The following CEP112 variants were observed in gnomAD, a reference collection of about 807,000 sequenced individuals.
CEP112 encodes the protein centrosomal protein of 112 kDa.
Under a neutral mutation model 153.0 loss-of-function variants are expected in CEP112, and 127 were observed. The ratio of observed to expected loss-of-function variants is 0.83; its 90% CI spans 0.72 to 0.96. The LOEUF (loss-of-function observed/expected upper bound fraction) is 0.96, where lower values mean the gene tolerates loss of function less well. Ranked by LOEUF, CEP112 falls within the 40% of genes least tolerant of loss-of-function variation. The pLI is 0.00. For synonymous variants in CEP112, 358 were observed against 374.4 expected (o/e 0.96, Z 0.51); for missense variants, 1,089 against 1,101.2 (o/e 0.99, Z 0.16).
chr17:65,680,373 C>T (rs2047457855), intron 24 of CEP112, among the ~76,000 whole-genome samples: 1 of 152,156 alleles, frequency 6.6e-6, no homozygotes, highest in South Asian at 2.1e-4. Context: ...ATACCAAGGG[C>T]CTGTGATCAG....
At chr17:66,007,726 T>C (rs1302021862) in intron 16 of CEP112, among the ~76,000 whole-genome samples, 1 of 152,010 alleles carries the variant, frequency 6.6e-6, no homozygotes, top group African/African-American at 2.4e-5. Flanking sequence ...TGTATTCAAG[T>C]GAAAGGGTGG....
intron 4 of CEP112, among the ~76,000 whole-genome samples, chr17:66,154,381 G>T (rs1049659300): frequency 2.6e-5 from 4 of 151,660 alleles, no homozygotes; most frequent in Non-Finnish European, 5.9e-5. Flanking sequence ...TGGGTGTGGG[G>T]GGGGGAGCCT....
At chr17:65,943,626 C>T (rs1434867331) in intron 18 of CEP112, among the ~76,000 whole-genome samples, 2 of 152,170 alleles carry the variant, frequency 1.3e-5, no homozygotes, top group East Asian at 3.9e-4. Flanking sequence ...GCCTTTCTCT[C>T]AGGCTGCCCT....
At chr17:66,063,884 A>C (rs1202886559) in intron 10 of CEP112, among the ~76,000 whole-genome samples, 1 of 152,146 alleles carries the variant, frequency 6.6e-6, no homozygotes, top group East Asian at 1.9e-4. Context: ...ATTCTTTCTT[A>C]TATCACTGCC....
chr17:66,162,834 T>C (rs1468939155), intron 4 of CEP112, among the ~76,000 whole-genome samples: 1 of 152,188 alleles, frequency 6.6e-6, no homozygotes, highest in African/African-American at 2.4e-5. Flanking sequence ...TTCACAGATA[T>C]ATACATTTTG....
At chr17:65,743,275 A>G (rs2051240985) in intron 22 of CEP112, 58 bp from the exon 23 acceptor site, 1 of 1,327,604 alleles carries the variant, frequency 7.5e-7, no homozygotes, top group Non-Finnish European at 1.0e-6. Context: ...CATCTATTTT[A>G]TATGTATTGA....
Position 65,657,256 on chromosome 17 carries a change from T to C in CEP112, c.2698-16191A>G, listed in dbSNP as rs567707361. On this transcript the variant is annotated intron_variant, in intron 24 of 26. Coordinates refer to ENST00000535342, the MANE Select transcript of CEP112 (RefSeq NM_001199165.4). ...CCTTTCTTGCTAGAATATATAATTT[T>C]GGTCTCATTTCTAATGTTTTTCTTG... Among the ~76,000 whole-genome samples, 9 of 152,354 alleles carry C rather than the reference T, an allele frequency of 5.9e-5. No homozygotes were observed. In the Middle Eastern group the frequency reaches 0.017, roughly 288 times the overall value.
intron 11 of CEP112, among the ~76,000 whole-genome samples, chr17:66,056,677 G>C (rs1367589372): frequency 1.3e-5 from 2 of 152,184 alleles, no homozygotes; most frequent in Non-Finnish European, 2.9e-5. Flanking sequence ...GAGATATCTA[G>C]AATAGGCAAA....
intron 23 of CEP112, among the ~76,000 whole-genome samples, chr17:65,714,431 T>TA (rs397788780): frequency 2.6e-5 from 4 of 151,570 alleles, no homozygotes; most frequent in Non-Finnish European, 4.4e-5. Context: ...AGTTTTTTTT[T>TA]AATAATTATT....
chr17:66,175,026 C>A lies in CEP112; in HGVS notation c.470+18G>T. The A allele has an allele frequency of 1.3e-6, 2 of 1,496,550 alleles. No homozygotes were observed. Among genetic ancestry groups the A allele is most frequent in the South Asian group, 1.4e-5 (1 of 71,314 alleles). 92.7% of individuals were successfully genotyped at this position (1,496,550 alleles called of 1,614,324 possible). On this transcript the variant is annotated intron_variant, in intron 4 of 26. Transcript: ENST00000535342. ...CTAAATGATGAAACACATTCAAAAT[C>A]CCATTCTCTTTACATACCTGTAGAC...
intron 24 of CEP112, among the ~76,000 whole-genome samples, chr17:65,659,425 T>C (rs1010145534): frequency 1.3e-5 from 2 of 152,200 alleles, no homozygotes; most frequent in Non-Finnish European, 2.9e-5. Context: ...AGAAGGCATG[T>C]CTTGCCAGAT....
intron 23 of CEP112, among the ~76,000 whole-genome samples, chr17:65,730,941 A>G (rs1598418285): frequency 6.6e-6 from 1 of 152,056 alleles, no homozygotes; most frequent in East Asian, 1.9e-4. Context: ...TCTTCTTGAC[A>G]TGAAATCTCT....
chr17:66,164,214 C>T (rs969579459), intron 4 of CEP112, among the ~76,000 whole-genome samples: 2 of 152,146 alleles, frequency 1.3e-5, no homozygotes, highest in Non-Finnish European at 2.9e-5. Flanking sequence ...TTCTAGAGTA[C>T]AAGGTTAAGT....
At chr17:66,084,634 A>G (rs2067846441) in intron 8 of CEP112, among the ~76,000 whole-genome samples, 1 of 152,180 alleles carries the variant, frequency 6.6e-6, no homozygotes, top group African/African-American at 2.4e-5. Context: ...TCATGGAGAT[A>G]GAGAGTAGAA....
At chr17:65,773,190 C>G (rs2053481153) in intron 21 of CEP112, among the ~76,000 whole-genome samples, 1 of 152,208 alleles carries the variant, frequency 6.6e-6, no homozygotes, top group Non-Finnish European at 1.5e-5. Flanking sequence ...CTTGAGGAAG[C>G]ATGGTAGGTA....
At chr17:65,837,120 G>A (rs539059735) in intron 21 of CEP112, among the ~76,000 whole-genome samples, 2 of 152,320 alleles carry the variant, frequency 1.3e-5, no homozygotes, top group South Asian at 4.1e-4. Context: ...TGTTGCCCAG[G>A]CTGGAGTGCA....
At chr17:65,775,750 G>A (rs1262132876) in intron 21 of CEP112, among the ~76,000 whole-genome samples, 4 of 152,076 alleles carry the variant, frequency 2.6e-5, no homozygotes, top group Non-Finnish European at 5.9e-5. Context: ...TGATTCACCC[G>A]CCTCAGCCTC....
rs1479458114 is a variant in CEP112 at position 65,832,796 on chromosome 17, C to A, written c.2394+19008G>T. 6.6e-5 allele frequency among the ~76,000 whole-genome samples: 10 copies of A among 152,032 alleles called. No homozygotes were observed. The East Asian group carries it at 1.9e-3, about 29-fold the overall frequency. On this transcript the variant is annotated intron_variant, in intron 21 of 26. Coordinates refer to ENST00000535342, the MANE Select transcript of CEP112 (RefSeq NM_001199165.4). ...TGTACACAGAAGAGCTGCTACCATTCCTACTGAAACTATTTCAAAAAATTG... is the reference window on the plus strand; with the variant it reads ...TGTACACAGAAGAGCTGCTACCATTACTACTGAAACTATTTCAAAAAATTG...
intron 21 of CEP112, among the ~76,000 whole-genome samples, chr17:65,828,732 GCTC>G (rs2056951003): frequency 6.6e-6 from 1 of 151,828 alleles, no homozygotes; most frequent in African/African-American, 2.4e-5. Flanking sequence ...TAATAATAGT[GCTC>G]CTAATATCAA....
Sources: gnomAD v4.1 joint callset for allele counts (sites outside exome capture counted in the v4.1 genomes callset) on GRCh38, gnomAD v4.1.1 for gene constraint, MANE v1.5 for transcripts, NCBI Gene and HGNC (gene_info 2026-07-23, HGNC 2026-07-21) for gene names.